Variants in ARHGAP1 observed in about 807,000 individuals in gnomAD.
The protein encoded by ARHGAP1 is rho GTPase-activating protein 1.
In ARHGAP1, 23 loss-of-function variants were observed where a neutral mutation model predicts 52.2. The observed-to-expected ratio is 0.44, with a 90% CI of 0.32 to 0.62. The LOEUF is 0.62. Ranked by LOEUF, ARHGAP1 falls within the 20% of genes least tolerant of loss-of-function variation. The pLI is 0.05. For synonymous variants in ARHGAP1, 210 were observed against 228.4 expected, an observed-to-expected ratio of 0.92 and a Z score of 0.73; for missense variants, 480 against 560.9, an observed-to-expected ratio of 0.86 and a Z score of 1.46.
chr11:46,696,172 A>C lies in ARHGAP1; in HGVS notation c.-49-16T>G. On this transcript the variant is annotated splice_polypyrimidine_tract_variant and intron_variant, in intron 1 of 12. Transcript: ENST00000311956. The surrounding 1 kb of genome is among the most constrained non-coding windows in gnomAD (Gnocchi z 4.8). ...TAAGAGAAACCTGGGAGAGAGGAAG[A>C]CAGGTGGCAGGTCAGTGACCTGCTC... The C allele has an allele frequency of 2.0e-6, 3 of 1,522,702 alleles. No individual in the cohort carries two copies. The highest frequency in any genetic ancestry group is 1.8e-4 in the Middle Eastern group (1 of 5,590). The allele number at this position is 1,522,702 out of a possible 1,614,324, so 94.3% of individuals were successfully genotyped here. A position where few individuals can be genotyped will look rare whatever the true frequency, so the allele number is the denominator to read the frequency against.
Position 46,679,136 on chromosome 11 carries a change from G to A in ARHGAP1, c.1221C>T (p.Ala407=). The part of the protein sequence containing the change: ...GPNLLWAKDA[A]ITLKAINPIN... ...TGGGATTAATGGCCTTGAGGGTGAT[G>A]GCCGCATCCTTGGCCCACAGCAGGT... Residue 407 remains alanine, a synonymous_variant, in exon 13 of 13, where the codon GCC becomes GCT. Transcript: ENST00000311956. This position sits in a 1 kb window ranked among gnomAD's most constrained non-coding sequence, Gnocchi z 4.4. 1.9e-6 allele frequency: 3 copies of A among 1,614,094 alleles called. No homozygotes were observed. The highest frequency in any genetic ancestry group is 2.5e-6 in the Non-Finnish European group (3 of 1,179,982).
intron 3 of ARHGAP1, among the ~76,000 whole-genome samples, chr11:46,692,167 C>A (rs992138873): frequency 6.6e-6 from 1 of 152,188 alleles, no homozygotes; most frequent in Admixed American, 6.5e-5. Flanking sequence ...TCACTTCCCA[C>A]TGGCTCTGAC....
At chr11:46,685,423 G>A (rs948304819) in intron 4 of ARHGAP1, among the ~76,000 whole-genome samples, 1 of 151,496 alleles carries the variant, frequency 6.6e-6, no homozygotes, top group African/African-American at 2.4e-5. Context: ...CGCCTCCTGG[G>A]TTCAGGTGAT....
intron 4 of ARHGAP1, among the ~76,000 whole-genome samples, chr11:46,684,961 G>A (rs1391136840): frequency 2.6e-5 from 4 of 151,768 alleles, no homozygotes; most frequent in South Asian, 2.1e-4. Context: ...GGTGGTGCAC[G>A]CCTGTAATCC....
At chr11:46,693,698 G>A (rs1053986698) in intron 3 of ARHGAP1, among the ~76,000 whole-genome samples, 8 of 152,052 alleles carry the variant, frequency 5.3e-5, no homozygotes, top group Admixed American at 3.3e-4. Flanking sequence ...CCTCAAACCA[G>A]CCCCACCCAC....
rs755164517 is a variant in ARHGAP1, at chr11:46,681,134, G to A, written c.537-25C>T. 6.2e-6 allele frequency: 10 copies of A among 1,605,456 alleles called. No homozygotes were observed. The highest frequency in any genetic ancestry group is 8.5e-6 in the Non-Finnish European group (10 of 1,172,206). ...GCTGTTGGTGGAAGAAAGGGCCTGG[G>A]TTGTGGGGGCCCGCTTCCGGTGGCC... is the stretch of plus-strand genomic sequence containing the variant. On this transcript the variant is annotated intron_variant, in intron 6 of 12. Coordinates refer to ENST00000311956, the MANE Select transcript of ARHGAP1 (RefSeq NM_004308.5). This position sits in a 1 kb window ranked among gnomAD's most constrained non-coding sequence, Gnocchi z 5.7.
chr11:46,679,567 G>C lies in ARHGAP1; in HGVS notation c.1027+81C>G. 3 of 1,607,730 alleles carry C rather than the reference G, an allele frequency of 1.9e-6. No individual in the cohort carries two copies. Among genetic ancestry groups the C allele is most frequent in the Non-Finnish European group, 2.6e-6 (3 of 1,175,990 alleles). On this transcript the variant is annotated intron_variant, in intron 11 of 12. Transcript: ENST00000311956. This position sits in a 1 kb window ranked among gnomAD's most constrained non-coding sequence, Gnocchi z 4.4. ...GGGGAGACCCCCAGCAGTCTTCCCT[G>C]GGAGGCGCCTAGGCCCGAAAGCCTG...
rs1352822701 is a variant in ARHGAP1, at chr11:46,680,456, T to C, written c.820+31A>G. 7 of 1,611,142 alleles carry C rather than the reference T, an allele frequency of 4.3e-6. No homozygotes were observed. Among genetic ancestry groups the C allele is most frequent in the Non-Finnish European group, 5.1e-6 (6 of 1,177,708 alleles). On this transcript the variant is annotated intron_variant, in intron 9 of 12. Coordinates refer to ENST00000311956, the MANE Select transcript of ARHGAP1 (RefSeq NM_004308.5). This position sits in a 1 kb window ranked among gnomAD's most constrained non-coding sequence, Gnocchi z 5.9. ...GCTTCCTGAAGGGAGCCGGGAGACC[T>C]GGCTGGTGAGGAGGCAGGCCCGGCA...
At chr11:46,684,373 T>C (rs1369261918) in intron 4 of ARHGAP1, among the ~76,000 whole-genome samples, 1 of 152,234 alleles carries the variant, frequency 6.6e-6, no homozygotes, top group African/African-American at 2.4e-5. Flanking sequence ...AAAATGCTCA[T>C]ACTCTCTGAC....
chr11:46,680,676 G>T lies in ARHGAP1; in HGVS notation c.707C>A (p.Pro236His). 1 of 1,605,798 alleles carries T rather than the reference G, an allele frequency of 6.2e-7. No homozygotes were observed. The highest frequency in any genetic ancestry group is 8.5e-7 in the Non-Finnish European group (1 of 1,175,222). The change falls in exon 8 of 13, where the codon CCC becomes CAC. Residue 236 changes from proline to histidine, a missense_variant. By Grantham distance (77) the Pro-to-His change is moderately conservative. Transcript: ENST00000311956. The surrounding 1 kb of genome is among the most constrained non-coding windows in gnomAD (Gnocchi z 5.9). ...TAPKPMPPRPPLPNQQFGVSL... is the reference protein window; with the variant it reads ...TAPKPMPPRPHLPNQQFGVSL... ...GACTCCAAACTGCTGGTTGGGCAGG[G>T]GGGGCCGTGGGGGCATGGGCTTGGG...
intron 4 of ARHGAP1, chr11:46,686,962 T>C (rs950806475): frequency 6.6e-6 from 1 of 152,310 alleles, no homozygotes; most frequent in Admixed American, 6.5e-5. Context: ...CAGCAGCTGA[T>C]GTTGAGGACT....
Position 46,680,773 on chromosome 11 carries a change from A to T in ARHGAP1, c.636-26T>A. Reference sequence around the variant, plus strand: ...CTGTAGGAGTAGAGGGAGGTGGGTCAGGTCCTGCCTGGCTCTGGAGTCACT... The same window carrying T: ...CTGTAGGAGTAGAGGGAGGTGGGTCTGGTCCTGCCTGGCTCTGGAGTCACT... On this transcript the variant is annotated intron_variant, in intron 7 of 12. Coordinates refer to ENST00000311956, the MANE Select transcript of ARHGAP1 (RefSeq NM_004308.5). This position sits in a 1 kb window ranked among gnomAD's most constrained non-coding sequence, Gnocchi z 5.9. 6.7e-7 allele frequency: 1 copy of T among 1,487,812 alleles called. No individual in the cohort carries two copies. The highest frequency in any genetic ancestry group is 9.0e-7 in the Non-Finnish European group (1 of 1,107,946). The allele number at this position is 1,487,812 out of a possible 1,614,324, so 92.2% of individuals were successfully genotyped here.
At position 46,696,258 on chromosome 11, in the gene ARHGAP1, C is replaced by G. The variant is rs2064653924; in HGVS notation, c.-49-102G>C. On this transcript the variant is annotated intron_variant, in intron 1 of 12. Coordinates refer to ENST00000311956, the MANE Select transcript of ARHGAP1 (RefSeq NM_004308.5). The surrounding 1 kb of genome is among the most constrained non-coding windows in gnomAD (Gnocchi z 4.8). ...TGCCCCCACCATTCCCTCTCCCAGGCTCCCTGTCCCTATTCCTCAACACTC... is the reference window on the plus strand; with the variant it reads ...TGCCCCCACCATTCCCTCTCCCAGGGTCCCTGTCCCTATTCCTCAACACTC... 2 of 747,398 alleles carry G rather than the reference C, an allele frequency of 2.7e-6. No individual in the cohort carries two copies. The highest frequency in any genetic ancestry group is 3.5e-5 in the African/African-American group (2 of 56,564). The allele number at this position is 747,398 out of a possible 1,614,324, so 46.3% of individuals were successfully genotyped here.
Position 46,679,067 on chromosome 11 carries a change from C to T in ARHGAP1, c.1290G>A (p.Leu430=), listed in dbSNP as rs764657130. 6.8e-6 allele frequency: 11 copies of T among 1,614,064 alleles called. No individual in the cohort carries two copies. The South Asian group carries it at 9.9e-5, about 14-fold the overall frequency. The change falls in exon 13 of 13, where the codon CTG becomes CTA. Residue 430 remains leucine (L), a synonymous_variant. Coordinates refer to ENST00000311956, the MANE Select transcript of ARHGAP1 (RefSeq NM_004308.5). The surrounding 1 kb of genome is among the most constrained non-coding windows in gnomAD (Gnocchi z 4.4). Reference sequence around the variant, plus strand: ...GCCCGCTGGGGTCCGGGCTTGGGAACAGCTCCCCTTGGTGATCCAGAAGGA... The same window carrying T: ...GCCCGCTGGGGTCCGGGCTTGGGAATAGCTCCCCTTGGTGATCCAGAAGGA... ...TKFLLDHQGE[L]FPSPDPSGL
chr11:46,685,379 G>A (rs940726136), intron 4 of ARHGAP1, among the ~76,000 whole-genome samples: 4 of 149,666 alleles, frequency 2.7e-5, no homozygotes, highest in African/African-American at 9.9e-5. Context: ...CCAGGGTGGA[G>A]TGCAATGGCA....
chr11:46,678,944 T>C lies in ARHGAP1; in HGVS notation c.*93A>G. ...GCATGCCTGATGGGTGGCTCCAACA[T>C]CTCTCTCCAGGGGGCTTCATGGCCC... On this transcript the variant is annotated 3_prime_UTR_variant, in exon 13 of 13. Coordinates refer to ENST00000311956, the MANE Select transcript of ARHGAP1 (RefSeq NM_004308.5). 1 of 1,399,502 alleles carries C rather than the reference T, an allele frequency of 7.1e-7. No homozygotes were observed. The highest frequency in any genetic ancestry group is 9.7e-7 in the Non-Finnish European group (1 of 1,026,490). The allele number at this position is 1,399,502 out of a possible 1,614,324, so 86.7% of individuals were successfully genotyped here. A position where few individuals can be genotyped will look rare whatever the true frequency, so the allele number is the denominator to read the frequency against.
At chr11:46,695,294 C>T (rs538202659) in intron 3 of ARHGAP1, 7 of 360,922 alleles carry the variant, frequency 1.9e-5, no homozygotes, top group East Asian at 7.2e-5. Flanking sequence ...TGGCACTCCT[C>T]ATCCTCCCCA....
intron 1 of ARHGAP1, among the ~76,000 whole-genome samples, chr11:46,698,701 CTCT>C (rs1260067249): frequency 6.6e-6 from 1 of 151,920 alleles, no homozygotes; most frequent in Non-Finnish European, 1.5e-5. Context: ...TGAACTTCAC[CTCT>C]TTTCCAGTGA....
chr11:46,695,666 C>T lies in ARHGAP1; in HGVS notation c.223G>A (p.Val75Met), dbSNP rs1487372046. Residue 75 changes from valine to methionine, a missense_variant, in exon 3 of 13, where the codon GTG (valine) becomes ATG (methionine). By Grantham distance (21) the Val-to-Met change is conservative. Transcript: ENST00000311956. The stretch of plus-strand genomic sequence containing the variant: ...TAGTGTTGGGTGTGCTTACCTGCCA[C>T]CTCCACGATCTGGTGCCGGGCGATG... ...YDIARHQIVE[V>M]AGDDKYGRKI... 6 of 1,551,650 alleles carry T rather than the reference C, an allele frequency of 3.9e-6. No homozygotes were observed. The highest frequency in any genetic ancestry group is 2.0e-5 in the Admixed American group (1 of 50,998).
Sources: allele counts gnomAD v4.1 joint callset (sites outside exome capture counted in the v4.1 genomes callset), GRCh38; gene constraint gnomAD v4.1.1; non-coding constraint Gnocchi (gnomAD v3.1); transcripts MANE v1.5; gene names NCBI Gene and HGNC (gene_info 2026-07-23, HGNC 2026-07-21).